Variants in FMN2 observed in about 807,000 individuals in gnomAD.
FMN2 encodes the protein formin-2.
A neutral mutation model predicts 142.3 loss-of-function variants in FMN2; 51 were observed. The observed-to-expected ratio is 0.36, with a 90% CI of 0.29 to 0.45. FMN2 has a LOEUF of 0.45. Among genes scored for constraint, FMN2 ranks in the 20% least tolerant of loss-of-function variants. The probability of loss-of-function intolerance (pLI) is 1.00; values close to 1 mark genes in which losing one functional copy is unlikely to be tolerated. For synonymous variants in FMN2, 882 were observed against 869.8 expected (o/e 1.01, Z -0.25); for missense variants, 1,936 against 2,122.8 (o/e 0.91, Z 1.73).
At chr1:240,346,906 G>A (rs908427176) in intron 13 of FMN2, among the ~76,000 whole-genome samples, 1 of 152,122 alleles carries the variant, frequency 6.6e-6, no homozygotes, top group Non-Finnish European at 1.5e-5. Context: ...ATATATTTGC[G>A]CATGATGGTG....
At chr1:240,258,146 T>C (rs1668512991) in intron 7 of FMN2, 114 bp downstream of exon 7, 2 of 727,018 alleles carry the variant, frequency 2.8e-6, no homozygotes, top group East Asian at 5.3e-5. Context: ...CCGAGGTTAG[T>C]ATATATCCCG....
intron 16 of FMN2, among the ~76,000 whole-genome samples, chr1:240,454,110 C>T (rs1180834372): frequency 4.6e-5 from 7 of 152,058 alleles, no homozygotes; most frequent in Non-Finnish European, 5.9e-5. Flanking sequence ...CAGCATGATC[C>T]GCCACTTAAT....
chr1:240,250,466 G>A (rs1375942023), intron 6 of FMN2, among the ~76,000 whole-genome samples: 1 of 152,058 alleles, frequency 6.6e-6, no homozygotes, highest in Non-Finnish European at 1.5e-5. Flanking sequence ...TTCTTTAGAT[G>A]TGCTGTTGAA....
At chr1:240,387,447 A>G (rs1673443985) in intron 14 of FMN2, among the ~76,000 whole-genome samples, 3 of 152,186 alleles carry the variant, frequency 2.0e-5, no homozygotes, top group Non-Finnish European at 4.4e-5. Context: ...CCTTGTAGCA[A>G]TTTTATTTAC....
At chr1:240,400,430 T>C (rs1486895895) in intron 15 of FMN2, among the ~76,000 whole-genome samples, 1 of 152,228 alleles carries the variant, frequency 6.6e-6, no homozygotes, top group African/African-American at 2.4e-5. Flanking sequence ...TATTCCTTCA[T>C]ATAGTCTGTC....
intron 14 of FMN2, among the ~76,000 whole-genome samples, chr1:240,363,102 C>G (rs1672547561): frequency 6.6e-6 from 1 of 152,178 alleles, no homozygotes; most frequent in South Asian, 2.1e-4. Context: ...AAAGCAGTGG[C>G]TGTTGACTGT....
At chr1:240,105,148 G>A (rs1293278619) in intron 1 of FMN2, among the ~76,000 whole-genome samples, 34 of 114,086 alleles carry the variant, frequency 3.0e-4, no homozygotes, top group African/African-American at 7.6e-4. Flanking sequence ...TCACTCTGTC[G>A]CCCAGGCTGG....
intron 16 of FMN2, among the ~76,000 whole-genome samples, chr1:240,465,215 G>A (rs1341767120): frequency 2.0e-5 from 3 of 151,982 alleles, no homozygotes; most frequent in African/African-American, 7.3e-5. Flanking sequence ...ACTCACTTCT[G>A]TCTTTACCTG....
chr1:240,390,710 C>T (rs1241230648), intron 14 of FMN2, among the ~76,000 whole-genome samples: 2 of 152,136 alleles, frequency 1.3e-5, no homozygotes, highest in Non-Finnish European at 2.9e-5. Flanking sequence ...GTATTTTGTA[C>T]ATGTTAACAG....
At chr1:240,434,572 G>A (rs1319324257) in intron 15 of FMN2, among the ~76,000 whole-genome samples, 1 of 135,568 alleles carries the variant, frequency 7.4e-6, no homozygotes, top group Non-Finnish European at 1.6e-5. Context: ...TTTGTTTTTT[G>A]TTTTTTTGAG....
chr1:240,130,918 C>T (rs1662709953), intron 2 of FMN2, among the ~76,000 whole-genome samples: 1 of 152,122 alleles, frequency 6.6e-6, no homozygotes, highest in African/African-American at 2.4e-5. Flanking sequence ...CCTTACAACA[C>T]CTGTCCCCCA....
chr1:240,241,558 A>G (rs1261627247), intron 6 of FMN2, among the ~76,000 whole-genome samples: 2 of 152,060 alleles, frequency 1.3e-5, no homozygotes, highest in Non-Finnish European at 2.9e-5. Context: ...TCTTTCAGCC[A>G]TTTTTCATAC....
intron 14 of FMN2, among the ~76,000 whole-genome samples, chr1:240,372,639 CTT>C (rs748480743): frequency 5.6e-4 from 64 of 114,778 alleles, no homozygotes; most frequent in African/African-American, 1.4e-3. Context: ...GGAAGAATTT[CTT>C]TTTTTTTTTT....
At chr1:240,449,561 T>C (rs1675934331) in intron 16 of FMN2, among the ~76,000 whole-genome samples, 1 of 152,224 alleles carries the variant, frequency 6.6e-6, no homozygotes, top group Admixed American at 6.5e-5. Context: ...AAGAACCGGC[T>C]ATAGAATTAC....
intron 1 of FMN2, among the ~76,000 whole-genome samples, chr1:240,118,895 G>A (rs1662125799): frequency 6.6e-6 from 1 of 152,160 alleles, no homozygotes; most frequent in African/African-American, 2.4e-5. Context: ...GAAAGGAGGA[G>A]GGATAGTAGG....
intron 2 of FMN2, among the ~76,000 whole-genome samples, chr1:240,133,877 C>A (rs1662836475): frequency 6.6e-6 from 1 of 152,166 alleles, no homozygotes; most frequent in Admixed American, 6.5e-5. Context: ...GTGAAGGTTC[C>A]TTGAACAATG....
chr1:240,395,884 T>C (rs956700902), intron 15 of FMN2, among the ~76,000 whole-genome samples: 6 of 152,190 alleles, frequency 3.9e-5, no homozygotes, highest in Non-Finnish European at 7.3e-5. Flanking sequence ...GAGGATTTAC[T>C]CCAATTTTGA....
At chr1:240,257,859 T>G (rs2102897392) in intron 6 of FMN2, 86 bp from the exon 7 acceptor site, 1 of 1,089,010 alleles carries the variant, frequency 9.2e-7, no homozygotes, top group Non-Finnish European at 1.4e-6. Flanking sequence ...TCTGAATTTG[T>G]TCTTCATTTA....
intron 4 of FMN2, among the ~76,000 whole-genome samples, chr1:240,194,431 G>C (rs1027424745): frequency 1.3e-5 from 2 of 152,176 alleles, no homozygotes; most frequent in African/African-American, 4.8e-5. Flanking sequence ...AGTCCAGCGT[G>C]AACTAAACTC....
Sources: gnomAD v4.1 joint callset for allele counts (sites outside exome capture counted in the v4.1 genomes callset) on GRCh38, gnomAD v4.1.1 for gene constraint, MANE v1.5 for transcripts, NCBI Gene and HGNC (gene_info 2026-07-23, HGNC 2026-07-21) for gene names.